The following SPIDR variants were observed in gnomAD, a reference collection of about 807,000 sequenced individuals.
SPIDR encodes DNA repair-scaffolding protein.
In SPIDR, 93 loss-of-function variants were observed where a neutral mutation model predicts 104.6. That is an observed-to-expected ratio of 0.89 (90% CI 0.75 to 1.06). The LOEUF is 1.06. Among genes scored for constraint, SPIDR ranks in the 50% least tolerant of loss-of-function variants. The pLI is 0.00. For missense variants in SPIDR, 1,154 were observed against 1,111.2 expected (o/e 1.04, Z -0.55); for synonymous variants, 431 against 416.9 (o/e 1.03, Z -0.41).
At chr8:47,274,491 C>G (rs993267029) in intron 1 of SPIDR, among the ~76,000 whole-genome samples, 1 of 151,900 alleles carries the variant, frequency 6.6e-6, no homozygotes, top group Admixed American at 6.6e-5. Context: ...AGTTCCTGCA[C>G]GTTTTAAAAA....
At chr8:47,409,680 T>C (rs1000020368) in intron 7 of SPIDR, among the ~76,000 whole-genome samples, 91 of 152,238 alleles carry the variant, frequency 6.0e-4, no homozygotes, top group African/African-American at 2.1e-3. Context: ...TCAACTATTA[T>C]ATTACACATT....
chr8:47,670,847 T>C (rs1000872227), intron 10 of SPIDR, among the ~76,000 whole-genome samples: 12 of 152,218 alleles, frequency 7.9e-5, no homozygotes, highest in Admixed American at 5.9e-4. Context: ...TCATTAGTCC[T>C]TGTATCTCAG....
intron 5 of SPIDR, among the ~76,000 whole-genome samples, chr8:47,298,243 G>A (rs1317567582): frequency 6.6e-6 from 1 of 152,190 alleles, no homozygotes; most frequent in African/African-American, 2.4e-5. Context: ...TCTTTTGGCG[G>A]TATAAATGTC....
At chr8:47,367,712 C>G (rs1023446637) in intron 5 of SPIDR, among the ~76,000 whole-genome samples, 2 of 152,210 alleles carry the variant, frequency 1.3e-5, no homozygotes, top group African/African-American at 4.8e-5. Flanking sequence ...TTTCATAGCA[C>G]TTAGTGGAGT....
intron 19 of SPIDR, chr8:47,732,425 G>A (rs1404120972): frequency 1.7e-5 from 9 of 541,752 alleles, no homozygotes; most frequent in Non-Finnish European, 3.0e-5. Flanking sequence ...GTGTATGTGT[G>A]TGCATTGGGT....
At position 47,293,931 on chromosome 8, in the gene SPIDR, A is replaced by G; in HGVS notation, c.426A>G (p.Glu142=). 2 of 1,614,144 alleles carry G rather than the reference A, an allele frequency of 1.2e-6. No individual in the cohort carries two copies. The highest frequency in any genetic ancestry group is 1.7e-6 in the Non-Finnish European group (2 of 1,180,012). Residue 142 remains glutamate (E), a synonymous_variant, in exon 5 of 20, where the codon GAA becomes GAG. Coordinates refer to ENST00000297423, the MANE Select transcript of SPIDR (RefSeq NM_001080394.4). ...SDRAEASDCD[E]FEDDEGAVEI... is the part of the protein sequence containing the mutation. ...GGGCAGAGGCTAGTGACTGTGATGAATTTGAAGATGACGAGGGTGCTGTGG... is the reference window on the plus strand; with the variant it reads ...GGGCAGAGGCTAGTGACTGTGATGAGTTTGAAGATGACGAGGGTGCTGTGG...
intron 5 of SPIDR, among the ~76,000 whole-genome samples, chr8:47,307,455 G>A (rs2043277199): frequency 6.6e-6 from 1 of 151,090 alleles, no homozygotes; most frequent in Non-Finnish European, 1.5e-5. Flanking sequence ...CTGACCTCAG[G>A]TGATCCACCC....
chr8:47,520,382 T>C (rs983286257), intron 8 of SPIDR, among the ~76,000 whole-genome samples: 3 of 152,182 alleles, frequency 2.0e-5, no homozygotes, highest in African/African-American at 7.2e-5. Flanking sequence ...CTGATATGAA[T>C]TGAACAAAAG....
chr8:47,488,326 C>G (rs1054342139), intron 8 of SPIDR, among the ~76,000 whole-genome samples: 2 of 152,140 alleles, frequency 1.3e-5, no homozygotes, highest in African/African-American at 4.8e-5. Context: ...CCTGAATAGA[C>G]CAATAACAGG....
chr8:47,638,281 C>T (rs2068278298), intron 10 of SPIDR, among the ~76,000 whole-genome samples: 1 of 152,016 alleles, frequency 6.6e-6, no homozygotes, highest in Admixed American at 6.6e-5. Context: ...CCAAGAGGTA[C>T]AAGAAGATGA....
At chr8:47,475,572 G>C (rs2076186103) in intron 8 of SPIDR, among the ~76,000 whole-genome samples, 1 of 152,110 alleles carries the variant, frequency 6.6e-6, no homozygotes, top group South Asian at 2.1e-4. Flanking sequence ...ATAATCTTTA[G>C]GTAATGGGTA....
At chr8:47,334,486 A>G (rs1157175421) in intron 5 of SPIDR, among the ~76,000 whole-genome samples, 1 of 152,196 alleles carries the variant, frequency 6.6e-6, no homozygotes. Flanking sequence ...TTCTTGGACA[A>G]TTGAATCCTT....
intron 9 of SPIDR, among the ~76,000 whole-genome samples, chr8:47,598,484 G>T (rs952913510): frequency 2.0e-5 from 3 of 152,172 alleles, no homozygotes; most frequent in Non-Finnish European, 4.4e-5. Flanking sequence ...GTTGTTGGGA[G>T]AATATGTGAG....
chr8:47,416,728 G>C (rs543089212), intron 7 of SPIDR, among the ~76,000 whole-genome samples: 8 of 151,994 alleles, frequency 5.3e-5, no homozygotes, highest in African/African-American at 1.4e-4. Context: ...CCATTAACTC[G>C]TCATTTAACA....
intron 5 of SPIDR, among the ~76,000 whole-genome samples, chr8:47,359,936 C>G (rs558132123): frequency 6.6e-6 from 1 of 152,092 alleles, no homozygotes; most frequent in Non-Finnish European, 1.5e-5. Flanking sequence ...ATTTATCACT[C>G]TCTCTCATTG....
intron 7 of SPIDR, among the ~76,000 whole-genome samples, chr8:47,422,477 G>C (rs1554681626): frequency 6.6e-6 from 1 of 152,234 alleles, no homozygotes; most frequent in Non-Finnish European, 1.5e-5. Flanking sequence ...ATTAGGGTGG[G>C]AGTGACCCGA....
At chr8:47,714,744 G>T (rs950256366) in intron 16 of SPIDR, among the ~76,000 whole-genome samples, 1 of 152,116 alleles carries the variant, frequency 6.6e-6, no homozygotes, top group African/African-American at 2.4e-5. Context: ...GGGGGGAGAG[G>T]TCAAACTCAA....
intron 8 of SPIDR, among the ~76,000 whole-genome samples, chr8:47,485,069 G>A (rs570750904): frequency 6.6e-6 from 1 of 152,246 alleles, no homozygotes; most frequent in Non-Finnish European, 1.5e-5. Flanking sequence ...CCCGGGAAGT[G>A]CAAGGGGTCA....
intron 10 of SPIDR, among the ~76,000 whole-genome samples, chr8:47,644,220 C>T (rs2069788281): frequency 6.6e-6 from 1 of 152,208 alleles, no homozygotes; most frequent in Non-Finnish European, 1.5e-5. Context: ...ATTGCAGGCT[C>T]CACTTTCTGC....
Sources: gnomAD v4.1 joint callset for allele counts (sites outside exome capture counted in the v4.1 genomes callset) on GRCh38, gnomAD v4.1.1 for gene constraint, MANE v1.5 for transcripts, NCBI Gene and HGNC (gene_info 2026-07-23, HGNC 2026-07-21) for gene names.